Variants in NSL1 observed in about 807,000 individuals in gnomAD.
The protein encoded by NSL1 is NSL1 component of MIS12 kinetochore complex.
Under a neutral mutation model 25.4 loss-of-function variants are expected in NSL1, and 11 were observed. The ratio of observed to expected loss-of-function variants is 0.43; its 90% confidence interval spans 0.27 to 0.72. The LOEUF is 0.72. NSL1 is among the 30% of genes least tolerant of loss of function. The probability of loss-of-function intolerance (pLI) is 0.19; values close to 1 mark genes in which losing one functional copy is unlikely to be tolerated. For synonymous variants in NSL1, 118 were observed against 120.6 expected (o/e 0.98, Z 0.14); for missense variants, 330 against 342.7 (o/e 0.96, Z 0.29).
rs534346145 is a variant in NSL1 at position 212,764,046 on chromosome 1, T to C, written c.499+18326A>G. 9.3e-4 allele frequency: 408 copies of C among 439,280 alleles called. 2 individuals carry two copies. The highest frequency in any genetic ancestry group is 7.4e-3 in the African/African-American group (364 of 49,422). The allele number at this position is 439,280 out of a possible 1,614,324, so 27.2% of individuals were successfully genotyped here. A position where few individuals can be genotyped will look rare whatever the true frequency, so the allele number is the denominator to read the frequency against. On this transcript the variant is annotated intron_variant, in intron 4 of 5. Transcript: ENST00000366977. ...TGATGGGCCACAAAATAAGTCTCAA[T>C]AAATTTAAGAAAATCAAAATCCTAT... is the stretch of plus-strand genomic sequence containing the variant.
chr1:212,758,135 A>T (rs1167543774), intron 4 of NSL1, among the ~76,000 whole-genome samples: 1 of 152,264 alleles, frequency 6.6e-6, no homozygotes, highest in Non-Finnish European at 1.5e-5. Flanking sequence ...AAAAGCAATA[A>T]TATTATTTTC....
At chr1:212,749,995 TTC>T (rs1304504533) in intron 4 of NSL1, among the ~76,000 whole-genome samples, 1 of 150,436 alleles carries the variant, frequency 6.6e-6, no homozygotes, top group Non-Finnish European at 1.5e-5. Context: ...ACCAAAAACT[TTC>T]TTTCACTTTT....
rs753696900 is a variant in NSL1 at position 212,738,518 on chromosome 1, T to A, written c.736A>T (p.Thr246Ser). ...ATGTCAGAGGTTTTCCTGGAAGCAG[T>A]CTCTGTTGGTGTGGTTTCTATCTGT... ...ITQIETTPTETASRKTSDMVL... is the reference protein window; with the variant it reads ...ITQIETTPTESASRKTSDMVL... Residue 246 changes from threonine (T) to serine (S), a missense_variant, in exon 6 of 6, where the codon ACT (threonine) becomes TCT (serine). Transcript: ENST00000366977. 9 of 1,614,054 alleles carry A rather than the reference T, an allele frequency of 5.6e-6. No homozygotes were observed. The highest frequency in any genetic ancestry group is 7.6e-6 in the Non-Finnish European group (9 of 1,180,032).
chr1:212,758,821 A>G (rs1659427462), intron 4 of NSL1, among the ~76,000 whole-genome samples: 1 of 152,238 alleles, frequency 6.6e-6, no homozygotes, highest in African/African-American at 2.4e-5. Context: ...GGATCAGAAG[A>G]GCCAAAACAA....
intron 4 of NSL1, among the ~76,000 whole-genome samples, chr1:212,754,769 CAAAAAAAA>C (rs59259608): frequency 1.4e-5 from 1 of 71,320 alleles, no homozygotes; most frequent in Non-Finnish European, 2.6e-5. Context: ...AATTCTGTCT[CAAAAAAAA>C]AAAAAAAACC....
intron 4 of NSL1, among the ~76,000 whole-genome samples, chr1:212,747,498 G>A (rs1455459651): frequency 6.6e-6 from 1 of 152,188 alleles, no homozygotes; most frequent in Non-Finnish European, 1.5e-5. Context: ...AGTCCCAGGT[G>A]AGCCCTGAAA....
rs756692358 is a variant in NSL1, at chr1:212,760,950, T to C, written c.500-21349A>G. ...CTATCATACCCTCTAGTACCAACCATAGCGTAAGTCACTAAGGAACTCACA... is the reference window on the plus strand; with the variant it reads ...CTATCATACCCTCTAGTACCAACCACAGCGTAAGTCACTAAGGAACTCACA... On this transcript the variant is annotated intron_variant, in intron 4 of 5. Transcript: ENST00000366977. The surrounding 1 kb of genome is among the most constrained non-coding windows in gnomAD (Gnocchi z 4.3). Among the ~76,000 whole-genome samples, 51 of 152,160 alleles carry C rather than the reference T, an allele frequency of 3.4e-4. No homozygotes were observed. The highest frequency in any genetic ancestry group is 6.0e-4 in the Non-Finnish European group (41 of 68,028).
intron 4 of NSL1, among the ~76,000 whole-genome samples, chr1:212,768,340 A>C (rs556705319): frequency 4.0e-4 from 61 of 151,584 alleles, no homozygotes; most frequent in Admixed American, 3.2e-3. Context: ...AAAAAAAAAA[A>C]AAAACTAAAA....
intron 4 of NSL1, among the ~76,000 whole-genome samples, chr1:212,775,594 T>C: frequency 7.0e-6 from 1 of 142,424 alleles, no homozygotes; most frequent in African/African-American, 2.8e-5. Context: ...AGACCCCACC[T>C]CTACCAGAAA....
At chr1:212,770,200 T>C (rs1249686967) in intron 4 of NSL1, among the ~76,000 whole-genome samples, 2 of 152,124 alleles carry the variant, frequency 1.3e-5, no homozygotes, top group Non-Finnish European at 2.9e-5. Context: ...AAGCAAATAT[T>C]ATCAATCTAA....
Position 212,780,312 on chromosome 1 carries a change from CG to C in NSL1, c.499+2059del, listed in dbSNP as rs1236095940. 1.6e-4 allele frequency among the ~76,000 whole-genome samples: 24 copies of C among 152,006 alleles called. No homozygotes were observed. The East Asian group carries it at 4.3e-3, about 27-fold the overall frequency. On this transcript the variant is annotated intron_variant, in intron 4 of 5. Coordinates refer to ENST00000366977, the MANE Select transcript of NSL1 (RefSeq NM_015471.4). The stretch of plus-strand genomic sequence containing the variant: ...AACAGATGCTTGAAGGCAGCGTGCT[CG>C]TTGAGAGTCATCACCACTCCCTAAT...
intron 4 of NSL1, chr1:212,782,157 T>C: frequency 4.2e-6 from 3 of 710,846 alleles, no homozygotes; most frequent in Non-Finnish European, 7.9e-6. Flanking sequence ...TTATAAAAGC[T>C]CAGATTCCGG....
At chr1:212,743,540 T>C (rs1658607520) in intron 4 of NSL1, among the ~76,000 whole-genome samples, 1 of 152,010 alleles carries the variant, frequency 6.6e-6, no homozygotes, top group East Asian at 1.9e-4. Context: ...ACTCCAAATA[T>C]ACTTCATGTA....
In NSL1 at chr1:212,760,325, C is replaced by A. The variant is rs1276839066; in HGVS notation, c.500-20724G>T. On this transcript the variant is annotated intron_variant, in intron 4 of 5. Coordinates refer to ENST00000366977, the MANE Select transcript of NSL1 (RefSeq NM_015471.4). The surrounding 1 kb of genome is among the most constrained non-coding windows in gnomAD (Gnocchi z 4.3). Reference sequence around the variant, plus strand: ...CTGCACCACTCTACCACACCAGTGTCTGAGAGCGCCATCTAGGGGCCCAGG... The same window carrying A: ...CTGCACCACTCTACCACACCAGTGTATGAGAGCGCCATCTAGGGGCCCAGG... Among the ~76,000 whole-genome samples the A allele has an allele frequency of 6.6e-6, 1 of 152,150 alleles. No homozygotes were observed. The highest frequency in any genetic ancestry group is 1.5e-5 in the Non-Finnish European group (1 of 68,012).
chr1:212,757,500 G>GT (rs963870939), intron 4 of NSL1, among the ~76,000 whole-genome samples: 5 of 152,150 alleles, frequency 3.3e-5, no homozygotes, highest in African/African-American at 1.2e-4. Flanking sequence ...TCGGCAGGCT[G>GT]TACAAGCATA....
At chr1:212,776,261 G>A (rs1365890129) in intron 4 of NSL1, among the ~76,000 whole-genome samples, 1 of 152,072 alleles carries the variant, frequency 6.6e-6, no homozygotes, top group Admixed American at 6.5e-5. Flanking sequence ...TACTTGGGAG[G>A]CTGAGGCAGG....
intron 4 of NSL1, among the ~76,000 whole-genome samples, chr1:212,776,735 CAACA>C (rs1478059622): frequency 1.3e-4 from 17 of 128,774 alleles, no homozygotes; most frequent in African/African-American, 2.8e-4. Context: ...ACAACAACAA[CAACA>C]AAAAAAACCA....
At position 212,784,445 on chromosome 1, in the gene NSL1, T is replaced by A; in HGVS notation, c.362A>T (p.Asp121Val). The A allele has an allele frequency of 6.3e-7, 1 of 1,592,188 alleles. No homozygotes were observed. Among genetic ancestry groups the A allele is most frequent in the Non-Finnish European group, 8.6e-7 (1 of 1,163,530 alleles). Residue 121 changes from aspartate (D) to valine (V), a missense_variant, in exon 3 of 6, where the codon GAT (aspartate) becomes GTT (valine). Coordinates refer to ENST00000366977, the MANE Select transcript of NSL1 (RefSeq NM_015471.4). ...ATACTGCTTACGTTTTGTGGCTATA[T>A]CTACTATGATTTCATCAAACTGATC... is the stretch of plus-strand genomic sequence containing the variant. ...LEDQFDEIIV[D>V]IATKRKQYPR...
At chr1:212,751,012 C>T (rs774630782) in intron 4 of NSL1, among the ~76,000 whole-genome samples, 3 of 151,926 alleles carry the variant, frequency 2.0e-5, no homozygotes, top group African/African-American at 4.8e-5. Flanking sequence ...AGAATATACT[C>T]GTAGTAATAA....
Sources: gnomAD v4.1 joint callset for allele counts (sites outside exome capture counted in the v4.1 genomes callset) on GRCh38, gnomAD v4.1.1 for gene constraint, Gnocchi (gnomAD v3.1) non-coding constraint, MANE v1.5 for transcripts, NCBI Gene and HGNC (gene_info 2026-07-23, HGNC 2026-07-21) for gene names.